Variants in DNAH12 observed in about 807,000 individuals in gnomAD.
DNAH12 encodes dynein axonemal heavy chain 12.
A neutral mutation model predicts 371.5 loss-of-function variants in DNAH12; 285 were observed. That is an observed-to-expected ratio of 0.77 (90% CI 0.70 to 0.85). The LOEUF (loss-of-function observed/expected upper bound fraction) is 0.85, where lower values mean the gene tolerates loss of function less well. DNAH12 is among the 40% of genes least tolerant of loss of function. The pLI is 0.00. For missense variants in DNAH12, 3,611 were observed against 3,689.4 expected (o/e 0.98, Z 0.55); for synonymous variants, 1,200 against 1,213.0 (o/e 0.99, Z 0.22).
intron 19 of DNAH12, among the ~76,000 whole-genome samples, chr3:57,460,987 A>G (rs192254753): frequency 2.7e-4 from 41 of 152,328 alleles, no homozygotes; most frequent in Admixed American, 1.3e-3. Flanking sequence ...TCCCCAATTT[A>G]TATAGTCCCC....
chr3:57,421,797 G>GC, intron 35 of DNAH12, 91 bp from the exon 36 acceptor site: 3 of 1,390,808 alleles, frequency 2.2e-6, no homozygotes, highest in Non-Finnish European at 3.0e-6. Flanking sequence ...ATTAGGATAT[G>GC]CTCAACTTAC....
chr3:57,309,280 C>T (rs1442599869), intron 68 of DNAH12, 26 bp from the exon 69 acceptor site: 7 of 1,501,940 alleles, frequency 4.7e-6, no homozygotes, highest in East Asian at 4.9e-5. Flanking sequence ...TTGAAGATCA[C>T]AAATTATTCT....
At chr3:57,520,186 C>T (rs906102836) in intron 4 of DNAH12, among the ~76,000 whole-genome samples, 2 of 152,108 alleles carry the variant, frequency 1.3e-5, no homozygotes, top group African/African-American at 4.8e-5. Flanking sequence ...AATCTCGGCT[C>T]ACTGCAACGT....
intron 46 of DNAH12, 110 bp from the exon 47 acceptor site, chr3:57,386,713 GCTA>G (rs1188173831): frequency 6.6e-6 from 1 of 152,176 alleles, no homozygotes; most frequent in Non-Finnish European, 1.5e-5. Flanking sequence ...TTATACAGAA[GCTA>G]CTGAGTACTT....
chr3:57,462,818 T>C lies in DNAH12; in HGVS notation c.2407A>G (p.Lys803Glu). Residue 803 changes from lysine to glutamate, a missense_variant, in exon 18 of 74, where the codon AAA (lysine) becomes GAA (glutamate). By Grantham distance (56) the Lys-to-Glu change is moderately conservative. Transcript: ENST00000495027. ...TAGCCTACAATTTCTGATATCTGTT[T>C]CCAGTGACGAGCTCTCATTCCTGGA... ...CNPGMRARHW[K>E]QISEIVGYDL... is the part of the protein sequence containing the mutation. 6.4e-7 allele frequency: 1 copy of C among 1,551,556 alleles called. No individual in the cohort carries two copies. Among genetic ancestry groups the C allele is most frequent in the Admixed American group, 2.0e-5 (1 of 50,990 alleles).
intron 69 of DNAH12, among the ~76,000 whole-genome samples, chr3:57,303,692 T>C (rs2107661021): frequency 6.6e-6 from 1 of 152,302 alleles, no homozygotes; most frequent in Admixed American, 6.5e-5. Context: ...TATGAGTCAC[T>C]GAGCCTGGCC....
At chr3:57,331,310 G>T (rs943758398) in intron 62 of DNAH12, among the ~76,000 whole-genome samples, 1 of 152,160 alleles carries the variant, frequency 6.6e-6, no homozygotes, top group African/African-American at 2.4e-5. Flanking sequence ...AAATAGGCAG[G>T]TGTTCCCAGA....
At chr3:57,338,542 GC>G (rs2062296684) in intron 60 of DNAH12, among the ~76,000 whole-genome samples, 1 of 148,804 alleles carries the variant, frequency 6.7e-6, no homozygotes, top group East Asian at 2.0e-4. Flanking sequence ...GAGCGTCTCT[GC>G]CCGGCCGCCA....
chr3:57,539,957 G>T (rs1270232717), intron 2 of DNAH12, among the ~76,000 whole-genome samples: 2 of 151,760 alleles, frequency 1.3e-5, no homozygotes, highest in African/African-American at 4.8e-5. Context: ...TCATCTAAAA[G>T]GTTAACATGA....
At chr3:57,322,803 G>A (rs184099538) in intron 64 of DNAH12, among the ~76,000 whole-genome samples, 24 of 152,284 alleles carry the variant, frequency 1.6e-4, no homozygotes, top group Admixed American at 4.6e-4. Flanking sequence ...GGTGGTATGC[G>A]CCTGTAATCC....
chr3:57,480,081 T>C lies in DNAH12; in HGVS notation c.1650+3295A>G, dbSNP rs562786220. ...GAAACAACTAAGATCAGAGCAGAAC[T>C]GAAGGAAATAGAGACATAAAAAACC... On this transcript the variant is annotated intron_variant, in intron 13 of 73. Transcript: ENST00000495027. Among the ~76,000 whole-genome samples the C allele has an allele frequency of 1.5e-3, 224 of 151,996 alleles. 3 individuals are homozygous for C. The highest frequency in any genetic ancestry group is 2.8e-3 in the Non-Finnish European group (190 of 67,970).
At chr3:57,367,916 C>T (rs2063086428) in intron 56 of DNAH12, 130 bp downstream of exon 56, 2 of 152,198 alleles carry the variant, frequency 1.3e-5, no homozygotes, top group South Asian at 4.1e-4. Context: ...TTTCCTTTCA[C>T]TCATAACAAT....
In DNAH12 at chr3:57,404,899, T is replaced by C. The variant is rs2063978287; in HGVS notation, c.6755+70A>G. Reference sequence around the variant, plus strand: ...CTGTATTTTTCTTTACACCTTTTGGTACATTTCAAACATTTCATAATAACA... The same window carrying C: ...CTGTATTTTTCTTTACACCTTTTGGCACATTTCAAACATTTCATAATAACA... On this transcript the variant is annotated intron_variant, in intron 42 of 73. Coordinates refer to ENST00000495027, the MANE Select transcript of DNAH12 (RefSeq NM_001366028.2). 8.9e-6 allele frequency: 12 copies of C among 1,348,888 alleles called. No individual in the cohort carries two copies. In the South Asian group the frequency reaches 1.6e-4, roughly 18 times the overall value. 83.6% of individuals were successfully genotyped at this position (1,348,888 alleles called of 1,614,324 possible).
Position 57,293,729 on chromosome 3 carries a change from G to A in DNAH12, c.*52C>T, listed in dbSNP as rs2107634412. 6.9e-7 allele frequency: 1 copy of A among 1,441,568 alleles called. No homozygotes were observed. Among genetic ancestry groups the A allele is most frequent in the Non-Finnish European group, 9.4e-7 (1 of 1,066,016 alleles). The allele number at this position is 1,441,568 out of a possible 1,614,324, so 89.3% of individuals were successfully genotyped here. ...TTTTATAATGTATATATTTTAAGTA[G>A]GACAGGTTTTTTTTTTTTTAAACTT... On this transcript the variant is annotated 3_prime_UTR_variant, in exon 74 of 74. Transcript: ENST00000495027.
At chr3:57,456,625 C>T (rs2065909434) in intron 22 of DNAH12, among the ~76,000 whole-genome samples, 1 of 152,144 alleles carries the variant, frequency 6.6e-6, no homozygotes, top group Admixed American at 6.5e-5. Context: ...CTAGGTCATG[C>T]ATTTACCACT....
Position 57,334,921 on chromosome 3 carries a change from A to G in DNAH12, c.9694T>C (p.Tyr3232His). Reference protein sequence around the residue: ...NLLLARKEIEYQELMFLLTGG... With the variant: ...NLLLARKEIEHQELMFLLTGG... ...GTTAAAAGAAACATCAGTTCCTGGTATTCAATCTCTTTCCTTGCCCTGTAT... is the reference window on the plus strand; with the variant it reads ...GTTAAAAGAAACATCAGTTCCTGGTGTTCAATCTCTTTCCTTGCCCTGTAT... The change falls in exon 61 of 74, where the codon TAC (tyrosine) becomes CAC (histidine). Residue 3232 changes from tyrosine (Y) to histidine (H), a missense_variant. Tyr to His is a moderately conservative substitution (Grantham distance 83, BLOSUM62 2). This residue lies in a region of DNAH12 where 2,266 missense variants were observed against 2,236.9 expected (regional missense o/e 1.01). Transcript: ENST00000495027. 6.5e-7 allele frequency: 1 copy of G among 1,549,306 alleles called. No individual in the cohort carries two copies. The highest frequency in any genetic ancestry group is 1.4e-5 in the African/African-American group (1 of 73,018).
chr3:57,449,452 G>A (rs911865145), intron 25 of DNAH12, among the ~76,000 whole-genome samples: 3 of 152,226 alleles, frequency 2.0e-5, no homozygotes, highest in Non-Finnish European at 4.4e-5. Flanking sequence ...TGGGTGGGAG[G>A]CTCAGGCATG....
intron 45 of DNAH12, among the ~76,000 whole-genome samples, chr3:57,388,205 G>T (rs2063534762): frequency 6.6e-6 from 1 of 151,984 alleles, no homozygotes; most frequent in South Asian, 2.1e-4. Flanking sequence ...ACCTCCATGT[G>T]GTTCATGCTG....
chr3:57,388,218 A>C (rs1164433578), intron 45 of DNAH12, among the ~76,000 whole-genome samples: 1 of 152,062 alleles, frequency 6.6e-6, no homozygotes, highest in Non-Finnish European at 1.5e-5. Context: ...TCATGCTGTC[A>C]CTTCCTTCAC....
Sources: allele counts gnomAD v4.1 joint callset (sites outside exome capture counted in the v4.1 genomes callset), GRCh38; gene constraint gnomAD v4.1.1; regional missense constraint gnomAD v4.1.1; transcripts MANE v1.5; gene names NCBI Gene and HGNC (gene_info 2026-07-23, HGNC 2026-07-21).